The following FRMD4A variants were observed in gnomAD, a reference collection of about 807,000 sequenced individuals.
FRMD4A encodes the protein FERM domain-containing protein 4A.
FRMD4A carries 29 observed loss-of-function variants against 129.1 expected under a neutral mutation model. The ratio of observed to expected loss-of-function variants is 0.22; its 90% CI spans 0.17 to 0.31. The LOEUF is 0.31. Among genes scored for constraint, FRMD4A ranks in the 10% least tolerant of loss-of-function variants. The pLI is 1.00. For synonymous variants in FRMD4A, 634 were observed against 571.6 expected (o/e 1.11, Z -1.56); for missense variants, 1,272 against 1,375.8 (o/e 0.92, Z 1.19).
chr10:14,177,437 T>C (rs1055157980), intron 2 of FRMD4A, among the ~76,000 whole-genome samples: 4 of 152,096 alleles, frequency 2.6e-5, no homozygotes, highest in Admixed American at 2.0e-4. Flanking sequence ...CCTCCCAAAG[T>C]GCTGGGATTA....
intron 15 of FRMD4A, among the ~76,000 whole-genome samples, chr10:13,683,696 T>C (rs568137639): frequency 6.7e-6 from 1 of 149,468 alleles, no homozygotes; most frequent in Non-Finnish European, 1.5e-5. Flanking sequence ...ACGTGAATTG[T>C]AGCTGGTCAC....
At chr10:13,949,824 C>T (rs553516218) in intron 2 of FRMD4A, among the ~76,000 whole-genome samples, 2 of 152,316 alleles carry the variant, frequency 1.3e-5, no homozygotes, top group African/African-American at 4.8e-5. Flanking sequence ...GGTTTTCTGA[C>T]AAGGCTCAAG....
chr10:14,012,977 T>C (rs2095687142), intron 2 of FRMD4A, among the ~76,000 whole-genome samples: 1 of 152,092 alleles, frequency 6.6e-6, no homozygotes, highest in Non-Finnish European at 1.5e-5. Context: ...GCTGGGGACG[T>C]GACTGAGGTC....
chr10:13,656,511 T>C, intron 22 of FRMD4A, 125 bp downstream of exon 22: 1 of 1,146,118 alleles, frequency 8.7e-7, no homozygotes, highest in Non-Finnish European at 1.1e-6. Flanking sequence ...GTTCCCAGAA[T>C]TAATTAATGA....
chr10:13,927,892 A>G (rs1271573624), intron 2 of FRMD4A, among the ~76,000 whole-genome samples: 1 of 152,150 alleles, frequency 6.6e-6, no homozygotes. Context: ...CCTTGATATT[A>G]TTTTTAGAGT....
chr10:14,138,131 C>T (rs1000562332), intron 2 of FRMD4A, among the ~76,000 whole-genome samples: 1 of 152,192 alleles, frequency 6.6e-6, no homozygotes, highest in Admixed American at 6.5e-5. Context: ...TCTACTAGTG[C>T]TGGACCTAGA....
chr10:13,680,468 C>T (rs1456039448), intron 15 of FRMD4A, among the ~76,000 whole-genome samples: 1 of 152,024 alleles, frequency 6.6e-6, no homozygotes, highest in Non-Finnish European at 1.5e-5. Context: ...TGGCTCATGC[C>T]TATAATCCCA....
At chr10:13,935,522 C>G (rs911502070) in intron 2 of FRMD4A, among the ~76,000 whole-genome samples, 3 of 145,308 alleles carry the variant, frequency 2.1e-5, no homozygotes, top group Admixed American at 6.8e-5. Context: ...CCAGGACAAT[C>G]TGCCAATCTG....
chr10:14,069,997 A>G (rs551596692), intron 2 of FRMD4A, among the ~76,000 whole-genome samples: 3 of 152,252 alleles, frequency 2.0e-5, no homozygotes, highest in Admixed American at 6.5e-5. Flanking sequence ...TATGCCTTAA[A>G]GAACAAGTAG....
chr10:14,243,338 A>T (rs1394169815), intron 2 of FRMD4A, among the ~76,000 whole-genome samples: 1 of 152,054 alleles, frequency 6.6e-6, no homozygotes, highest in Non-Finnish European at 1.5e-5. Context: ...AGGTCTGATG[A>T]TTTTGTAAGT....
intron 2 of FRMD4A, among the ~76,000 whole-genome samples, chr10:14,089,640 C>CAAAAAAAAAAAAAAA (rs759243260): frequency 1.4e-5 from 1 of 70,274 alleles, no homozygotes; most frequent in East Asian, 3.6e-4. Flanking sequence ...CAAAAAAAAA[C>CAAAAAAAAAAAAAAA]AAACAAAAAA....
At position 13,962,180 on chromosome 10, in the gene FRMD4A, C is replaced by T. The variant is rs188960896; in HGVS notation, c.46-103268G>A. ...ATGACTTTATTGAAAGAGACTACTCCGAATACACCATTTCTTCTGTAGCTG... is the reference window on the plus strand; with the variant it reads ...ATGACTTTATTGAAAGAGACTACTCTGAATACACCATTTCTTCTGTAGCTG... On this transcript the variant is annotated intron_variant, in intron 2 of 24. Coordinates refer to ENST00000357447, the MANE Select transcript of FRMD4A (RefSeq NM_018027.5). 9.2e-5 allele frequency among the ~76,000 whole-genome samples: 14 copies of T among 152,280 alleles called. No individual in the cohort carries two copies. The East Asian group carries it at 2.5e-3, about 27-fold the overall frequency.
chr10:14,024,876 T>A (rs899744925), intron 2 of FRMD4A, among the ~76,000 whole-genome samples: 3 of 152,248 alleles, frequency 2.0e-5, no homozygotes, highest in African/African-American at 7.2e-5. Context: ...AGCCCATTTC[T>A]CAGTTGATTT....
At chr10:14,091,800 G>A (rs1002405338) in intron 2 of FRMD4A, among the ~76,000 whole-genome samples, 4 of 152,176 alleles carry the variant, frequency 2.6e-5, no homozygotes, top group Admixed American at 2.0e-4. Flanking sequence ...ACCAATAGAA[G>A]CTTGGCACTT....
intron 2 of FRMD4A, among the ~76,000 whole-genome samples, chr10:13,957,054 C>T (rs1215249539): frequency 1.3e-5 from 2 of 152,162 alleles, no homozygotes; most frequent in African/African-American, 4.8e-5. Flanking sequence ...TCGTGAAAGG[C>T]GTCAGTGGCT....
intron 2 of FRMD4A, among the ~76,000 whole-genome samples, chr10:14,296,707 A>G (rs1846020551): frequency 6.6e-6 from 1 of 152,246 alleles, no homozygotes; most frequent in Admixed American, 6.5e-5. Flanking sequence ...AGTCGTTACC[A>G]TAAATTACAA....
At chr10:14,149,389 G>A (rs1284870277) in intron 2 of FRMD4A, among the ~76,000 whole-genome samples, 2 of 152,130 alleles carry the variant, frequency 1.3e-5, no homozygotes, top group South Asian at 4.2e-4. Flanking sequence ...ACCCAGGCTG[G>A]AGTGCAGTGG....
intron 4 of FRMD4A, among the ~76,000 whole-genome samples, chr10:13,800,066 C>G (rs2093219900): frequency 6.6e-6 from 1 of 152,024 alleles, no homozygotes; most frequent in African/African-American, 2.4e-5. Context: ...CCTGTAATCC[C>G]AGCTACTCAG....
chr10:14,277,538 G>A (rs1218364), intron 2 of FRMD4A, among the ~76,000 whole-genome samples: 2 of 152,016 alleles, frequency 1.3e-5, no homozygotes, highest in African/African-American at 4.8e-5. Flanking sequence ...TCCCAGCCTC[G>A]AGAACTGTGA....
Sources: gnomAD v4.1 joint callset for allele counts (sites outside exome capture counted in the v4.1 genomes callset) on GRCh38, gnomAD v4.1.1 for gene constraint, MANE v1.5 for transcripts, NCBI Gene and HGNC (gene_info 2026-07-23, HGNC 2026-07-21) for gene names.